TMEM131L: variants seen among roughly 807,000 people sequenced by gnomAD.
TMEM131L encodes the protein transmembrane 131 like.
Under a neutral mutation model 192.2 loss-of-function variants are expected in TMEM131L, and 54 were observed. That is an observed-to-expected ratio of 0.28 (90% CI 0.23 to 0.35). The LOEUF is 0.35. Ranked by LOEUF, TMEM131L falls within the 10% of genes least tolerant of loss-of-function variation. The pLI is 1.00. For synonymous variants in TMEM131L, 701 were observed against 704.9 expected (o/e 0.99, Z 0.09); for missense variants, 1,888 against 1,972.9 (o/e 0.96, Z 0.82).
chr4:153,511,590 T>A (rs552533176), intron 3 of TMEM131L, among the ~76,000 whole-genome samples: 2 of 152,218 alleles, frequency 1.3e-5, no homozygotes, highest in South Asian at 2.1e-4. Flanking sequence ...TCTCCCTATA[T>A]AACAAACCTG....
rs557685315 is a variant in TMEM131L at position 153,501,315 on chromosome 4, C to T, written c.239+27427C>T. ...CTGCCTCGGGTTCAAGCAATTCTGCCTCAGCCTCCTGAGTAGCTGGGACTA... is the reference window on the plus strand; with the variant it reads ...CTGCCTCGGGTTCAAGCAATTCTGCTTCAGCCTCCTGAGTAGCTGGGACTA... On this transcript the variant is annotated intron_variant, in intron 3 of 34. Coordinates refer to ENST00000409959, the MANE Select transcript of TMEM131L (RefSeq NM_001131007.2). Among the ~76,000 whole-genome samples, 173 of 151,772 alleles carry T rather than the reference C, an allele frequency of 1.1e-3. 1 individual carries two copies. The highest frequency in any genetic ancestry group is 3.9e-3 in the African/African-American group (160 of 41,334).
At chr4:153,575,106 A>G (rs956022839) in intron 7 of TMEM131L, among the ~76,000 whole-genome samples, 5 of 152,182 alleles carry the variant, frequency 3.3e-5, no homozygotes, top group African/African-American at 1.2e-4. Flanking sequence ...ATTCTCAAAT[A>G]TATTTATTTA....
intron 3 of TMEM131L, among the ~76,000 whole-genome samples, chr4:153,478,115 C>G (rs533901049): frequency 8.5e-5 from 13 of 152,274 alleles, no homozygotes; most frequent in African/African-American, 3.1e-4. Flanking sequence ...AAAAACTTGA[C>G]TTGCAAACCT....
In TMEM131L at chr4:153,603,051, T is replaced by C. The variant is rs1731958439; in HGVS notation, c.2640-252T>C. Among the ~76,000 whole-genome samples the C allele has an allele frequency of 2.6e-5, 4 of 152,206 alleles. No individual in the cohort carries two copies. In the South Asian group the frequency reaches 8.3e-4, roughly 31 times the overall value. On this transcript the variant is annotated intron_variant, in intron 23 of 34. Transcript: ENST00000409959. Reference sequence around the variant, plus strand: ...CAGTGATGATTTGAGATTAGGAGGCTGGAATGACCCTTTTTGAGTGATTTC... The same window carrying C: ...CAGTGATGATTTGAGATTAGGAGGCCGGAATGACCCTTTTTGAGTGATTTC...
chr4:153,484,844 G>A (rs1373042307), intron 3 of TMEM131L, among the ~76,000 whole-genome samples: 4 of 148,070 alleles, frequency 2.7e-5, no homozygotes, highest in Admixed American at 2.0e-4. Flanking sequence ...TTCAGGCCAG[G>A]TGCAGTGGCT....
At chr4:153,632,864 G>A in intron 32 of TMEM131L, 26 bp downstream of exon 32, 1 of 1,613,676 alleles carries the variant, frequency 6.2e-7, no homozygotes, top group Non-Finnish European at 8.5e-7. Flanking sequence ...TCTGATTGGT[G>A]CCTTGCTTAG....
chr4:153,599,884 C>T (rs1043961275), intron 21 of TMEM131L, among the ~76,000 whole-genome samples: 2 of 151,980 alleles, frequency 1.3e-5, no homozygotes, highest in African/African-American at 2.4e-5. Flanking sequence ...ATGGTGAAAC[C>T]CCTTCTCTAC....
At chr4:153,538,687 G>A (rs896413788) in intron 3 of TMEM131L, among the ~76,000 whole-genome samples, 8 of 152,326 alleles carry the variant, frequency 5.3e-5, no homozygotes, top group Middle Eastern at 3.4e-3. Context: ...AGCAGCTGCT[G>A]CTGGCAATTT....
intron 19 of TMEM131L, 81 bp from the exon 20 acceptor site, chr4:153,596,177 G>T (rs1731424510): frequency 1.3e-6 from 2 of 1,507,474 alleles, no homozygotes; most frequent in Non-Finnish European, 1.8e-6. Context: ...AAGCAATCGT[G>T]TTTAAACTCT....
At chr4:153,510,707 A>T (rs1435808930) in intron 3 of TMEM131L, among the ~76,000 whole-genome samples, 1 of 152,072 alleles carries the variant, frequency 6.6e-6, no homozygotes, top group African/African-American at 2.4e-5. Context: ...TCAAATCCTC[A>T]TTTTTACAAA....
intron 3 of TMEM131L, among the ~76,000 whole-genome samples, chr4:153,525,492 A>G (rs1459261604): frequency 1.3e-5 from 2 of 152,030 alleles, no homozygotes; most frequent in Non-Finnish European, 2.9e-5. Flanking sequence ...GGTGCACGCC[A>G]CCACACCTGG....
At chr4:153,562,464 A>T (rs916351824) in intron 7 of TMEM131L, among the ~76,000 whole-genome samples, 6 of 152,242 alleles carry the variant, frequency 3.9e-5, no homozygotes, top group African/African-American at 1.2e-4. Context: ...TAAATTGCAT[A>T]CATTATGTGA....
intron 3 of TMEM131L, among the ~76,000 whole-genome samples, chr4:153,498,854 C>A (rs2149969072): frequency 6.6e-6 from 1 of 152,222 alleles, no homozygotes; most frequent in South Asian, 2.1e-4. Context: ...CCAGACTTTG[C>A]AGTTATATCA....
At chr4:153,619,633 T>G (rs1479346255) in intron 26 of TMEM131L, among the ~76,000 whole-genome samples, 3 of 152,264 alleles carry the variant, frequency 2.0e-5, no homozygotes, top group Non-Finnish European at 4.4e-5. Flanking sequence ...ATTGCTTTAA[T>G]AGATGCATAA....
chr4:153,596,487 G>T, intron 20 of TMEM131L, 102 bp downstream of exon 20: 1 of 1,404,124 alleles, frequency 7.1e-7, no homozygotes, highest in Non-Finnish European at 9.9e-7. Flanking sequence ...CAGACCTTCA[G>T]GATGAAGGCT....
At chr4:153,582,391 C>T (rs1440788027) in intron 9 of TMEM131L, among the ~76,000 whole-genome samples, 1 of 147,440 alleles carries the variant, frequency 6.8e-6, no homozygotes, top group East Asian at 2.0e-4. Context: ...ACCACAGGCG[C>T]ACACCACTAT....
At chr4:153,544,674 C>T (rs1439350838) in intron 3 of TMEM131L, among the ~76,000 whole-genome samples, 2 of 152,220 alleles carry the variant, frequency 1.3e-5, no homozygotes, top group South Asian at 2.1e-4. Context: ...AGTGTCCCTC[C>T]GTGGTAGCTG....
intron 7 of TMEM131L, among the ~76,000 whole-genome samples, chr4:153,573,384 A>T (rs182662590): frequency 1.3e-5 from 2 of 152,376 alleles, no homozygotes; most frequent in Admixed American, 6.5e-5. Flanking sequence ...GGCCTGTGCC[A>T]GACATGCAGG....
intron 20 of TMEM131L, among the ~76,000 whole-genome samples, chr4:153,596,767 T>C (rs548461166): frequency 3.9e-5 from 6 of 152,370 alleles, no homozygotes; most frequent in East Asian, 1.9e-4. Flanking sequence ...AACAAACTTA[T>C]ATCACTTTCA....
Sources: allele counts gnomAD v4.1 joint callset (sites outside exome capture counted in the v4.1 genomes callset), GRCh38; gene constraint gnomAD v4.1.1; transcripts MANE v1.5; gene names NCBI Gene and HGNC (gene_info 2026-07-23, HGNC 2026-07-21).